ADAMTSL1: variants seen among roughly 807,000 people sequenced by gnomAD.
ADAMTSL1 encodes ADAMTS like 1, also known as ADAMTS-like protein 1.
ADAMTSL1 carries 126 observed loss-of-function variants against 201.8 expected under a neutral mutation model. The observed-to-expected ratio is 0.62, with a 90% CI of 0.54 to 0.72. The LOEUF (loss-of-function observed/expected upper bound fraction) is 0.72. Among genes scored for constraint, ADAMTSL1 ranks in the 30% least tolerant of loss-of-function variants. The pLI is 0.00. For synonymous variants in ADAMTSL1, 1,121 were observed against 903.4 expected (o/e 1.24, Z -4.32); for missense variants, 2,679 against 2,277.8 (o/e 1.18, Z -3.59).
chr9:18,392,097 T>A (rs1207635842), intron 2 of ADAMTSL1, among the ~76,000 whole-genome samples: 1 of 152,146 alleles, frequency 6.6e-6, no homozygotes, highest in African/African-American at 2.4e-5. Flanking sequence ...GTGCTGGGAT[T>A]ACAGGCATGA....
chr9:18,590,255 A>G (rs1823820600), intron 4 of ADAMTSL1, among the ~76,000 whole-genome samples: 3 of 151,708 alleles, frequency 2.0e-5, no homozygotes, highest in Admixed American at 6.6e-5. Flanking sequence ...TGATATGTTG[A>G]ATGTGTCAAG....
intron 1 of ADAMTSL1, among the ~76,000 whole-genome samples, chr9:18,026,784 C>G (rs1467561376): frequency 6.6e-6 from 1 of 152,050 alleles, no homozygotes; most frequent in Non-Finnish European, 1.5e-5. Flanking sequence ...GGATTGATAG[C>G]AGCTCTTCTT....
chr9:18,863,848 A>G (rs537079119), intron 23 of ADAMTSL1, among the ~76,000 whole-genome samples: 1 of 152,332 alleles, frequency 6.6e-6, no homozygotes, highest in East Asian at 1.9e-4. Context: ...AGATCCCTCT[A>G]TAAAATTTAC....
At chr9:17,954,986 C>A (rs1454161272) in intron 1 of ADAMTSL1, among the ~76,000 whole-genome samples, 1 of 151,996 alleles carries the variant, frequency 6.6e-6, no homozygotes, top group Admixed American at 6.6e-5. Context: ...ATCCAGCTTG[C>A]AAGATAGGAG....
intron 1 of ADAMTSL1, among the ~76,000 whole-genome samples, chr9:17,914,506 T>A (rs1174662241): frequency 2.0e-5 from 3 of 152,126 alleles, no homozygotes; most frequent in African/African-American, 7.2e-5. Flanking sequence ...AAATTAGGTG[T>A]TGATGGGACG....
intron 2 of ADAMTSL1, among the ~76,000 whole-genome samples, chr9:18,446,644 A>AT (rs774221583): frequency 6.6e-6 from 1 of 152,254 alleles, no homozygotes; most frequent in Non-Finnish European, 1.5e-5. Context: ...AACAAGGCAT[A>AT]TTGGTCCTAG....
At chr9:18,737,661 G>T (rs1818592498) in intron 15 of ADAMTSL1, among the ~76,000 whole-genome samples, 1 of 152,312 alleles carries the variant, frequency 6.6e-6, no homozygotes, top group Non-Finnish European at 1.5e-5. Context: ...TTTGACAAAT[G>T]AGTCTCCCTT....
intron 2 of ADAMTSL1, among the ~76,000 whole-genome samples, chr9:18,314,533 G>T (rs1014510974): frequency 6.6e-6 from 1 of 150,502 alleles, no homozygotes; most frequent in African/African-American, 2.5e-5. Context: ...GTCCAGAGTT[G>T]TTCCTTCCTC....
intron 23 of ADAMTSL1, among the ~76,000 whole-genome samples, chr9:18,853,918 T>TGTGTGTGTGTGTGTGTGTGCGC (rs139332733): frequency 6.9e-6 from 1 of 145,382 alleles, no homozygotes; most frequent in African/African-American, 2.5e-5. Flanking sequence ...TGTGTGTGTG[T>TGTGTGTGTGTGTGTGTGTGCGC]GCGCGTGCAT....
chr9:18,531,856 C>T lies in ADAMTSL1; in HGVS notation c.192-1391C>T, dbSNP rs546386396. On this transcript the variant is annotated intron_variant, in intron 2 of 28. Transcript: ENST00000380548. ...ATTGTGATCATGAGTGTGTGAGTTC[C>T]GAAGCCAGATGGCCTGGTTTCAAAT... is the stretch of plus-strand genomic sequence containing the variant. Among the ~76,000 whole-genome samples the T allele has an allele frequency of 3.5e-4, 53 of 152,200 alleles. 1 individual carries two copies. Among genetic ancestry groups the T allele is most frequent in the South Asian group, 2.3e-3 (11 of 4,816 alleles).
chr9:18,555,371 T>C (rs1821043545), intron 3 of ADAMTSL1, among the ~76,000 whole-genome samples: 1 of 151,964 alleles, frequency 6.6e-6, no homozygotes, highest in African/African-American at 2.4e-5. Context: ...AGCCCAGCTG[T>C]GTATTAACAA....
At chr9:18,669,815 T>G (rs1829703169) in intron 9 of ADAMTSL1, among the ~76,000 whole-genome samples, 1 of 152,200 alleles carries the variant, frequency 6.6e-6, no homozygotes, top group Admixed American at 6.5e-5. Flanking sequence ...ATCTTAAAAC[T>G]TCTGATCTCA....
At chr9:18,197,938 C>T (rs1332876666) in intron 2 of ADAMTSL1, among the ~76,000 whole-genome samples, 4 of 151,962 alleles carry the variant, frequency 2.6e-5, no homozygotes, top group Admixed American at 1.3e-4. Flanking sequence ...GAACAGAGCC[C>T]TCAGAAATAA....
chr9:18,147,705 A>G (rs1308443942), intron 1 of ADAMTSL1, among the ~76,000 whole-genome samples: 2 of 152,122 alleles, frequency 1.3e-5, no homozygotes, highest in African/African-American at 4.8e-5. Context: ...CTTTTGTTCC[A>G]AAAGACCAAA....
intron 2 of ADAMTSL1, among the ~76,000 whole-genome samples, chr9:18,164,638 C>A (rs1827553641): frequency 6.6e-6 from 1 of 151,616 alleles, no homozygotes; most frequent in Non-Finnish European, 1.5e-5. Flanking sequence ...ATAGTGATGA[C>A]CTTAGGCTCA....
intron 2 of ADAMTSL1, among the ~76,000 whole-genome samples, chr9:18,304,843 T>C (rs879724353): frequency 1.3e-5 from 2 of 152,224 alleles, no homozygotes; most frequent in East Asian, 1.9e-4. Context: ...ATAAACTATT[T>C]TTATAAGAAA....
chr9:18,330,398 G>A (rs1460440681), intron 2 of ADAMTSL1, among the ~76,000 whole-genome samples: 2 of 151,856 alleles, frequency 1.3e-5, no homozygotes, highest in Non-Finnish European at 2.9e-5. Context: ...ACACAGTTGA[G>A]GACTGCCTTC....
intron 15 of ADAMTSL1, among the ~76,000 whole-genome samples, chr9:18,739,899 CTGTG>C (rs5896804): frequency 0.014 from 2,086 of 147,796 alleles, 34 homozygotes; most frequent in Admixed American, 0.047. Flanking sequence ...TGTCTACTAT[CTGTG>C]TGTGTGTGTG....
intron 4 of ADAMTSL1, among the ~76,000 whole-genome samples, chr9:18,621,352 A>T (rs994330107): frequency 3.9e-5 from 6 of 152,170 alleles, no homozygotes; most frequent in Admixed American, 2.6e-4. Flanking sequence ...TTTCACGAGG[A>T]GTCTTTAGAA....
Sources: allele counts gnomAD v4.1 joint callset (sites outside exome capture counted in the v4.1 genomes callset), GRCh38; gene constraint gnomAD v4.1.1; transcripts MANE v1.5; gene names NCBI Gene and HGNC (gene_info 2026-07-23, HGNC 2026-07-21).